PDE6B: variants seen among roughly 807,000 people sequenced by gnomAD.
PDE6B encodes phosphodiesterase 6B.
Under a neutral mutation model 109.0 loss-of-function variants are expected in PDE6B, and 106 were observed. The observed-to-expected ratio is 0.97, with a 90% CI of 0.83 to 1.14. The LOEUF (loss-of-function observed/expected upper bound fraction) is 1.14. Among genes scored for constraint, PDE6B ranks in the 50% most tolerant of loss-of-function variants. The probability of loss-of-function intolerance (pLI) is 0.00; values close to 1 mark genes in which losing one functional copy is unlikely to be tolerated. For missense variants in PDE6B, 1,193 were observed against 1,155.6 expected, an observed-to-expected ratio of 1.03 and a Z score of -0.47; for synonymous variants, 490 against 471.3, an observed-to-expected ratio of 1.04 and a Z score of -0.51.
chr4:655,275 C>A (rs982495381), intron 6 of PDE6B: 1 of 318,694 alleles, frequency 3.1e-6, no homozygotes, highest in African/African-American at 2.1e-5. Context: ...GCCAGGAGGC[C>A]GAGTCTTGGC....
intron 1 of PDE6B, among the ~76,000 whole-genome samples, chr4:632,390 TG>T (rs1734430275): frequency 6.6e-6 from 1 of 150,392 alleles, no homozygotes; most frequent in South Asian, 2.1e-4. Context: ...TGTGGATCCA[TG>T]TGGTGCCGTC....
At position 662,308 on chromosome 4, in the gene PDE6B, C is replaced by A; in HGVS notation, c.1722+67C>A. On this transcript the variant is annotated intron_variant, in intron 13 of 21. Coordinates refer to ENST00000496514, the MANE Select transcript of PDE6B (RefSeq NM_000283.4). This position sits in a 1 kb window ranked among gnomAD's most constrained non-coding sequence, Gnocchi z 4.3. ...TGGTACCAAGGGCAGCACTCAAGCACCCCGAGGGATGAGATGGGGGTCCTC... is the reference window on the plus strand; with the variant it reads ...TGGTACCAAGGGCAGCACTCAAGCAACCCGAGGGATGAGATGGGGGTCCTC... The A allele has an allele frequency of 1.0e-6, 1 of 969,610 alleles. No individual in the cohort carries two copies. Among genetic ancestry groups the A allele is most frequent in the Non-Finnish European group, 1.6e-6 (1 of 617,984 alleles). 60.1% of individuals were successfully genotyped at this position (969,610 alleles called of 1,614,324 possible). A position where few individuals can be genotyped will look rare whatever the true frequency, so the allele number is the denominator to read the frequency against.
rs1490441209 is a variant in PDE6B at position 663,764 on chromosome 4, C to T, written c.1921-6C>T. The stretch of plus-strand genomic sequence containing the variant: ...GCGCCTGACGCGCTGGGCATAACCT[C>T]CGCAGACCCTGAACATCTACCAGAA... On this transcript the variant is annotated splice_polypyrimidine_tract_variant and splice_region_variant and intron_variant, in intron 15 of 21. Transcript: ENST00000496514. This position sits in a 1 kb window ranked among gnomAD's most constrained non-coding sequence, Gnocchi z 4.0. The T allele has an allele frequency of 1.2e-6, 2 of 1,609,978 alleles. No homozygotes were observed. Among genetic ancestry groups the T allele is most frequent in the Non-Finnish European group, 1.7e-6 (2 of 1,177,390 alleles).
chr4:663,180 CG>C lies in PDE6B; in HGVS notation c.1915del (p.Glu639ArgfsTer4). On this transcript the variant is annotated frameshift_variant, in exon 15 of 22. Transcript: ENST00000496514. LOFTEE classifies it high-confidence loss of function. The surrounding 1 kb of genome is among the most constrained non-coding windows in gnomAD (Gnocchi z 4.0). Reference sequence around the variant, plus strand: ...CTGGAGTTTGGGAAGTTCCTGCTCTCGGAGGAGGTTGGTATACTCACCCTCG... The same window carrying C: ...CTGGAGTTTGGGAAGTTCCTGCTCTCGAGGAGGTTGGTATACTCACCCTCG... ...HHLEFGKFLL[S>X]EETLNIYQNL... 6.3e-7 allele frequency: 1 copy of C among 1,587,378 alleles called. No individual in the cohort carries two copies. Among genetic ancestry groups the C allele is most frequent in the Non-Finnish European group, 8.7e-7 (1 of 1,155,644 alleles).
Position 666,616 on chromosome 4 carries a change from C to A in PDE6B, c.2352+2C>A, listed in dbSNP as rs751661904. On this transcript the variant is annotated splice_donor_variant, in intron 20 of 21. Coordinates refer to ENST00000496514, the MANE Select transcript of PDE6B (RefSeq NM_000283.4). LOFTEE classifies it high-confidence loss of function. The surrounding 1 kb of genome is among the most constrained non-coding windows in gnomAD (Gnocchi z 5.6). Reference sequence around the variant, plus strand: ...TTCGTGTGCACATTCGTGTACAAGGCGAGTGGTTCACGGGTGTTCCGAGCT... The same window carrying A: ...TTCGTGTGCACATTCGTGTACAAGGAGAGTGGTTCACGGGTGTTCCGAGCT... 6.2e-7 allele frequency: 1 copy of A among 1,601,402 alleles called. No individual in the cohort carries two copies. Among genetic ancestry groups the A allele is most frequent in the Non-Finnish European group, 8.6e-7 (1 of 1,168,738 alleles).
chr4:658,006 G>A (rs1736540068), intron 10 of PDE6B, among the ~76,000 whole-genome samples: 5 of 144,080 alleles, frequency 3.5e-5, no homozygotes, highest in Admixed American at 6.8e-5. Context: ...CAGGGGTCAT[G>A]GCTGTGCGGT....
At chr4:669,918 C>T in intron 21 of PDE6B, 128 bp from the exon 22 acceptor site, 3 of 791,850 alleles carry the variant, frequency 3.8e-6, no homozygotes, top group Non-Finnish European at 4.5e-6. Flanking sequence ...TCGGCTTGGG[C>T]TGGTCACAGA....
rs774592016 is a variant in PDE6B, at chr4:654,869, G to C, written c.973G>C (p.Glu325Gln). 1.3e-6 allele frequency: 2 copies of C among 1,562,484 alleles called. No individual in the cohort carries two copies. Among genetic ancestry groups the C allele is most frequent in the Admixed American group, 3.3e-5 (2 of 59,904 alleles). Residue 325 changes from glutamate to glutamine, a missense_variant, in exon 6 of 22, where the codon GAG (glutamate) becomes CAG (glutamine). Glu to Gln is a conservative substitution (Grantham distance 29). Transcript: ENST00000496514. The part of the protein sequence containing the change: ...KVIDYVLHGK[E>Q]EIKVIPTPSA... ...GATCGACTACGTCCTCCACGGCAAG[G>C]AGGAGATCAAGGTCATTCCGTAAGT...
In PDE6B at chr4:667,915, GAA is replaced by G; in HGVS notation, c.2414_2415del (p.Lys805ArgfsTer7). On this transcript the variant is annotated frameshift_variant, in exon 21 of 22. Transcript: ENST00000496514. LOFTEE classifies it high-confidence loss of function. The part of the protein sequence containing the change: ...PMFDRLQNNR[K>X]EWKALADEYE... Reference sequence around the variant, plus strand: ...TGTTCGACCGACTGCAGAACAATAGGAAAGAGTGGAAGGCGCTGGCTGATGAG... The same window carrying G: ...TGTTCGACCGACTGCAGAACAATAGGAGAGTGGAAGGCGCTGGCTGATGAG... 6.2e-7 allele frequency: 1 copy of G among 1,613,632 alleles called. No individual in the cohort carries two copies. Among genetic ancestry groups the G allele is most frequent in the Non-Finnish European group, 8.5e-7 (1 of 1,179,766 alleles).
At chr4:629,256 G>A (rs1297440529) in intron 1 of PDE6B, among the ~76,000 whole-genome samples, 2 of 152,112 alleles carry the variant, frequency 1.3e-5, no homozygotes, top group Non-Finnish European at 2.9e-5. Flanking sequence ...GGGCAGGGAC[G>A]CCGCCCACAC....
Position 635,940 on chromosome 4 carries a change from C to T in PDE6B, c.682C>T (p.Leu228Phe), listed in dbSNP as rs201584824. The T allele has an allele frequency of 1.9e-6, 3 of 1,609,440 alleles. No homozygotes were observed. Among genetic ancestry groups the T allele is most frequent in the Non-Finnish European group, 2.6e-6 (3 of 1,175,666 alleles). The change falls in exon 3 of 22, where the codon CTC (leucine) becomes TTC (phenylalanine). Residue 228 changes from leucine to phenylalanine, a missense_variant. Coordinates refer to ENST00000496514, the MANE Select transcript of PDE6B (RefSeq NM_000283.4). ...CCTGAAGATCTATCACCTGAGCTACCTCCACAACTGCGAGACGCGCCGCGG... is the reference window on the plus strand; with the variant it reads ...CCTGAAGATCTATCACCTGAGCTACTTCCACAACTGCGAGACGCGCCGCGG... ...LYLKIYHLSY[L>F]HNCETRRGQV...
Position 667,839 on chromosome 4 carries a change from T to C in PDE6B, c.2353-17T>C, listed in dbSNP as rs1396087023. 6.2e-7 allele frequency: 1 copy of C among 1,611,574 alleles called. No individual in the cohort carries two copies. Among genetic ancestry groups the C allele is most frequent in the Non-Finnish European group, 8.5e-7 (1 of 1,178,544 alleles). On this transcript the variant is annotated splice_polypyrimidine_tract_variant and intron_variant, in intron 20 of 21. Coordinates refer to ENST00000496514, the MANE Select transcript of PDE6B (RefSeq NM_000283.4). Reference sequence around the variant, plus strand: ...CAGGCAGGACAGGACTGGTGGTGACTTCTCGACTCCCCTCAGGAGTTCTCT... The same window carrying C: ...CAGGCAGGACAGGACTGGTGGTGACCTCTCGACTCCCCTCAGGAGTTCTCT...
intron 11 of PDE6B, among the ~76,000 whole-genome samples, chr4:659,676 G>A (rs1736825798): frequency 6.6e-6 from 1 of 151,354 alleles, no homozygotes; most frequent in South Asian, 2.1e-4. Flanking sequence ...GTATGTGTGT[G>A]CATGTGTGTG....
rs761549469 is a variant in PDE6B at position 633,417 on chromosome 4, G to T, written c.469-1260G>T. ...GAATCAGGAAATGAGGAGCAGGAAG[G>T]GTGGGTGCCATTTAGGAGCACGCTA... On this transcript the variant is annotated intron_variant, in intron 1 of 21. Transcript: ENST00000496514. This position sits in a 1 kb window ranked among gnomAD's most constrained non-coding sequence, Gnocchi z 4.5. Among the ~76,000 whole-genome samples the T allele has an allele frequency of 5.3e-5, 8 of 152,198 alleles. No homozygotes were observed. Among genetic ancestry groups the T allele is most frequent in the Non-Finnish European group, 8.8e-5 (6 of 68,030 alleles).
At chr4:631,726 G>A (rs932486461) in intron 1 of PDE6B, among the ~76,000 whole-genome samples, 13 of 150,402 alleles carry the variant, frequency 8.6e-5, no homozygotes, top group African/African-American at 2.7e-4. Context: ...CCATCAAAGG[G>A]TCATGAGGGT....
Position 663,538 on chromosome 4 carries a change from G to A in PDE6B, c.1921-232G>A, listed in dbSNP as rs1737383625. On this transcript the variant is annotated intron_variant, in intron 15 of 21. Transcript: ENST00000496514. The surrounding 1 kb of genome is among the most constrained non-coding windows in gnomAD (Gnocchi z 4.0). ...CAGTGGACCCCTCCCTGCGCTCCCC[G>A]GTGGTGACCTCTGAGGCCATCTGCG... Among the ~76,000 whole-genome samples, 2 of 152,178 alleles carry A rather than the reference G, an allele frequency of 1.3e-5. No individual in the cohort carries two copies. The highest frequency in any genetic ancestry group is 4.8e-5 in the African/African-American group (2 of 41,454).
Position 666,443 on chromosome 4 carries a change from A to T in PDE6B, c.2269-88A>T. The stretch of plus-strand genomic sequence containing the variant: ...TCCCAGGCTGTGTCTCCATGAGCAC[A>T]TCTGAGTGAGGGGGTCGGGGGGCTG... On this transcript the variant is annotated intron_variant, in intron 19 of 21. Coordinates refer to ENST00000496514, the MANE Select transcript of PDE6B (RefSeq NM_000283.4). The surrounding 1 kb of genome is among the most constrained non-coding windows in gnomAD (Gnocchi z 5.6). 1 of 853,064 alleles carries T rather than the reference A, an allele frequency of 1.2e-6. No homozygotes were observed. Among genetic ancestry groups the T allele is most frequent in the Non-Finnish European group, 2.0e-6 (1 of 492,236 alleles). The allele number at this position is 853,064 out of a possible 1,614,324, so 52.8% of individuals were successfully genotyped here.
chr4:635,909 G>A lies in PDE6B; in HGVS notation c.651G>A (p.Thr217=), dbSNP rs200664252. Residue 217 remains threonine, a synonymous_variant, in exon 3 of 22, where the codon ACG becomes ACA. Coordinates refer to ENST00000496514, the MANE Select transcript of PDE6B (RefSeq NM_000283.4). Reference sequence around the variant, plus strand: ...TCTTGAAGTACCTGAATTTTGCCACGTTGTACCTGAAGATCTATCACCTGA... The same window carrying A: ...TCTTGAAGTACCTGAATTTTGCCACATTGTACCTGAAGATCTATCACCTGA... ...DVFLKYLNFA[T]LYLKIYHLSY... 1.1e-4 allele frequency: 169 copies of A among 1,604,708 alleles called. 1 individual carries two copies. The Admixed American group carries it at 1.9e-3, about 18-fold the overall frequency.
At chr4:635,561 G>A (rs1734635399) in intron 2 of PDE6B, among the ~76,000 whole-genome samples, 1 of 136,690 alleles carries the variant, frequency 7.3e-6, no homozygotes, top group African/African-American at 2.8e-5. Context: ...TCTGTGCCAC[G>A]CGTCTGCCTC....
Sources: gnomAD v4.1 joint callset for allele counts (sites outside exome capture counted in the v4.1 genomes callset) on GRCh38, gnomAD v4.1.1 for gene constraint, Gnocchi (gnomAD v3.1) non-coding constraint, MANE v1.5 for transcripts, NCBI Gene and HGNC (gene_info 2026-07-23, HGNC 2026-07-21) for gene names.